PIWIL2: variants seen among roughly 807,000 people sequenced by gnomAD.
PIWIL2 encodes the protein piwi like RNA-mediated gene silencing 2.
PIWIL2 carries 81 observed loss-of-function variants against 116.5 expected under a neutral mutation model. That is an observed-to-expected ratio of 0.70 (90% confidence interval 0.58 to 0.84). PIWIL2 has a LOEUF of 0.84. Among genes scored for constraint, PIWIL2 ranks in the 40% least tolerant of loss-of-function variants. The pLI, the probability that PIWIL2 is intolerant of heterozygous loss-of-function variation, is 0.00. For missense variants in PIWIL2, 1,272 were observed against 1,212.3 expected, an observed-to-expected ratio of 1.05 and a Z score of -0.73; for synonymous variants, 489 against 429.5, an observed-to-expected ratio of 1.14 and a Z score of -1.71.
intron 18 of PIWIL2, 41 bp downstream of exon 18, chr8:22,315,186 A>T: frequency 9.0e-7 from 1 of 1,112,328 alleles, no homozygotes; most frequent in South Asian, 1.2e-5. Flanking sequence ...TCTCCAGAGA[A>T]TCCTCCAAGC....
At position 22,316,319 on chromosome 8, in the gene PIWIL2, G is replaced by A; in HGVS notation, c.2283G>A (p.Val761=). 2 of 1,608,006 alleles carry A rather than the reference G, an allele frequency of 1.2e-6. No homozygotes were observed. Among genetic ancestry groups the A allele is most frequent in the Non-Finnish European group, 1.7e-6 (2 of 1,174,622 alleles). Reference sequence around the variant, plus strand: ...GCATGCGCTCCGTGGTTGGCTTCGTGGCAAGCATCAATCTGTAAGTACTGC... The same window carrying A: ...GCATGCGCTCCGTGGTTGGCTTCGTAGCAAGCATCAATCTGTAAGTACTGC... ...SRGMRSVVGF[V]ASINLTLTKW... Residue 761 remains valine, a synonymous_variant, in exon 19 of 23, where the codon GTG becomes GTA. Coordinates refer to ENST00000356766, the MANE Select transcript of PIWIL2 (RefSeq NM_018068.5).
intron 20 of PIWIL2, among the ~76,000 whole-genome samples, chr8:22,351,479 A>C (rs1192066358): frequency 8.4e-6 from 1 of 119,086 alleles, no homozygotes; most frequent in African/African-American, 2.9e-5. Flanking sequence ...ATATATATAT[A>C]TATAATTTAT....
intron 10 of PIWIL2, among the ~76,000 whole-genome samples, chr8:22,301,833 A>G (rs866337715): frequency 6.6e-6 from 1 of 151,976 alleles, no homozygotes; most frequent in African/African-American, 2.4e-5. Context: ...CTTTTGTTAC[A>G]TGTTTAAGTA....
intron 20 of PIWIL2, among the ~76,000 whole-genome samples, chr8:22,341,280 T>C (rs562335093): frequency 6.6e-5 from 10 of 151,504 alleles, no homozygotes; most frequent in Admixed American, 1.3e-4. Context: ...GAAAAATCAT[T>C]TGACACTCAT....
chr8:22,299,241 A>T (rs139238439), intron 10 of PIWIL2, among the ~76,000 whole-genome samples: 1 of 145,610 alleles, frequency 6.9e-6, no homozygotes, highest in African/African-American at 2.6e-5. Context: ...ATGGAATTTC[A>T]CTCTTGTTGC....
At chr8:22,348,393 A>G (rs1272174137) in intron 20 of PIWIL2, among the ~76,000 whole-genome samples, 1 of 152,144 alleles carries the variant, frequency 6.6e-6, no homozygotes, top group African/African-American at 2.4e-5. Context: ...GGAGCCACAC[A>G]TAAAAACATG....
chr8:22,314,455 G>T, intron 17 of PIWIL2, 26 bp downstream of exon 17: 3 of 1,285,650 alleles, frequency 2.3e-6, no homozygotes, highest in Non-Finnish European at 3.3e-6. Flanking sequence ...GGCAGGAGGC[G>T]CAGATGGCAC....
intron 20 of PIWIL2, among the ~76,000 whole-genome samples, chr8:22,337,992 G>T (rs999962319): frequency 6.6e-6 from 1 of 152,078 alleles, no homozygotes; most frequent in African/African-American, 2.4e-5. Context: ...TACTCGGGAG[G>T]CTGAGGAAGG....
rs540224852 is a variant in PIWIL2 at position 22,349,415 on chromosome 8, G to GTATATATATA, written c.2404-3543_2404-3542insATATATATAT. Among the ~76,000 whole-genome samples the GTATATATATA allele has an allele frequency of 3.5e-3, 477 of 134,808 alleles. 1 individual carries two copies. The highest frequency in any genetic ancestry group is 8.1e-3 in the African/African-American group (300 of 36,850). The allele number at this position is 134,808 out of a possible 152,430, so 88.4% of individuals were successfully genotyped here. A position where few individuals can be genotyped will look rare whatever the true frequency, so the allele number is the denominator to read the frequency against. On this transcript the variant is annotated intron_variant, in intron 20 of 22. Coordinates refer to ENST00000356766, the MANE Select transcript of PIWIL2 (RefSeq NM_018068.5). ...CAACTTTTGTGTACAATATATGTGT[G>GTATATATATA]TGTGTATATATATATATATATATAT...
intron 10 of PIWIL2, among the ~76,000 whole-genome samples, chr8:22,299,497 C>T (rs1026928830): frequency 5.9e-5 from 9 of 152,146 alleles, no homozygotes; most frequent in Admixed American, 2.6e-4. Context: ...CGTGAGCCAC[C>T]GCGCCCAGTC....
rs1831406855 is a variant in PIWIL2 at position 22,314,500 on chromosome 8, G to A, written c.2091+71G>A. 8.6e-6 allele frequency: 6 copies of A among 696,234 alleles called. No individual in the cohort carries two copies. The South Asian group carries it at 1.3e-4, about 15-fold the overall frequency. The allele number at this position is 696,234 out of a possible 1,614,324, so 43.1% of individuals were successfully genotyped here. On this transcript the variant is annotated intron_variant, in intron 17 of 22. Coordinates refer to ENST00000356766, the MANE Select transcript of PIWIL2 (RefSeq NM_018068.5). Reference sequence around the variant, plus strand: ...CCCCGAGGCTTGAGAAGAGGGATATGTGTGTTCACAAAGACTAAAGTAGCT... The same window carrying A: ...CCCCGAGGCTTGAGAAGAGGGATATATGTGTTCACAAAGACTAAAGTAGCT...
chr8:22,345,921 A>T (rs2404336), intron 20 of PIWIL2, among the ~76,000 whole-genome samples: 1 of 152,006 alleles, frequency 6.6e-6, no homozygotes, highest in African/African-American at 2.4e-5. Context: ...TCTAGGAGTC[A>T]AAGGAAGGAG....
intron 15 of PIWIL2, among the ~76,000 whole-genome samples, chr8:22,310,523 C>T (rs756206128): frequency 1.3e-5 from 2 of 151,962 alleles, no homozygotes; most frequent in Non-Finnish European, 2.9e-5. Flanking sequence ...GACTTCATGG[C>T]CAGATATATA....
intron 1 of PIWIL2, 88 bp from the exon 2 acceptor site, chr8:22,279,253 C>G (rs981267912): frequency 4.2e-6 from 3 of 706,768 alleles, no homozygotes. Flanking sequence ...ACTGGACTGA[C>G]TCAAAATACT....
intron 10 of PIWIL2, among the ~76,000 whole-genome samples, chr8:22,301,146 A>G (rs747434778): frequency 9.3e-5 from 14 of 151,156 alleles, no homozygotes; most frequent in South Asian, 4.2e-4. Context: ...TGCCCAGCTA[A>G]TTAAAAAAAA....
intron 20 of PIWIL2, among the ~76,000 whole-genome samples, chr8:22,326,092 TG>T (rs1233532959): frequency 6.6e-6 from 1 of 152,166 alleles, no homozygotes; most frequent in Non-Finnish European, 1.5e-5. Flanking sequence ...ACTCATTTCA[TG>T]GAGCCAGATG....
At chr8:22,337,752 TAAA>T (rs1832013282) in intron 20 of PIWIL2, among the ~76,000 whole-genome samples, 2 of 151,228 alleles carry the variant, frequency 1.3e-5, no homozygotes, top group African/African-American at 4.9e-5. Flanking sequence ...TAATAATAAA[TAAA>T]TAATAATACT....
chr8:22,341,595 CAAAA>C lies in PIWIL2; in HGVS notation c.2404-11349_2404-11346del, dbSNP rs34495366. Among the ~76,000 whole-genome samples the C allele has an allele frequency of 6.6e-4, 66 of 99,486 alleles. 1 individual carries two copies. Among genetic ancestry groups the C allele is most frequent in the African/African-American group, 3.1e-3 (63 of 20,254 alleles). 65.3% of individuals were successfully genotyped at this position (99,486 alleles called of 152,430 possible). A position where few individuals can be genotyped will look rare whatever the true frequency, so the allele number is the denominator to read the frequency against. The stretch of plus-strand genomic sequence containing the variant: ...GGGCAACAACAGCGAAACTCCGTCT[CAAAA>C]AAAAAAAAAAAAAAGATTCCCAGCA... On this transcript the variant is annotated intron_variant, in intron 20 of 22. Coordinates refer to ENST00000356766, the MANE Select transcript of PIWIL2 (RefSeq NM_018068.5).
At chr8:22,332,332 T>A (rs1831881162) in intron 20 of PIWIL2, among the ~76,000 whole-genome samples, 1 of 151,734 alleles carries the variant, frequency 6.6e-6, no homozygotes, top group Non-Finnish European at 1.5e-5. Flanking sequence ...ATAAAAATAA[T>A]CAAACTGTAA....
Sources: gnomAD v4.1 joint callset for allele counts (sites outside exome capture counted in the v4.1 genomes callset) on GRCh38, gnomAD v4.1.1 for gene constraint, MANE v1.5 for transcripts, NCBI Gene and HGNC (gene_info 2026-07-23, HGNC 2026-07-21) for gene names.